The following PPP3CB variants were observed in gnomAD, a reference collection of about 807,000 sequenced individuals.
PPP3CB encodes protein phosphatase 3 catalytic subunit beta.
Under a neutral mutation model 66.4 loss-of-function variants are expected in PPP3CB, and 8 were observed. The ratio of observed to expected loss-of-function variants is 0.12; its 90% CI spans 0.07 to 0.22. The LOEUF is 0.22. Ranked by LOEUF, PPP3CB falls within the 10% of genes least tolerant of loss-of-function variation. The pLI is 1.00. For missense variants in PPP3CB, 319 were observed against 642.5 expected (o/e 0.50, Z 5.44); for synonymous variants, 208 against 221.2 (o/e 0.94, Z 0.53).
chr10:73,460,751 G>C (rs1361045453), intron 9 of PPP3CB, among the ~76,000 whole-genome samples: 1 of 152,252 alleles, frequency 6.6e-6, no homozygotes, highest in Non-Finnish European at 1.5e-5. Flanking sequence ...CCATTGACCA[G>C]AACAGCCTCA....
intron 1 of PPP3CB, among the ~76,000 whole-genome samples, chr10:73,483,299 G>A (rs1299765089): frequency 6.6e-6 from 1 of 152,200 alleles, no homozygotes; most frequent in Non-Finnish European, 1.5e-5. Context: ...AGTAGAGGTA[G>A]ATGAAAGCTA....
At chr10:73,475,161 A>G in intron 3 of PPP3CB, 131 bp from the exon 4 acceptor site, 2 of 1,243,858 alleles carry the variant, frequency 1.6e-6, no homozygotes, top group South Asian at 2.4e-5. Flanking sequence ...CTAAAATATA[A>G]GCACCACAAA....
chr10:73,478,392 A>G (rs2056824534), intron 3 of PPP3CB, 107 bp downstream of exon 3: 4 of 947,184 alleles, frequency 4.2e-6, no homozygotes, highest in South Asian at 1.8e-5. Flanking sequence ...CAGAATATGC[A>G]GAGTTATTAA....
intron 12 of PPP3CB, among the ~76,000 whole-genome samples, chr10:73,443,321 AAAGAAAGAAAAAGAAAGAG>A (rs1461652011): frequency 6.8e-6 from 1 of 148,044 alleles, no homozygotes; most frequent in African/African-American, 2.6e-5. Context: ...AGAAAGAAAG[AAAGAAAGAAAAAGAAAGAG>A]AAGAGAAGAG....
chr10:73,444,642 G>A (rs755385328), intron 12 of PPP3CB, 83 bp downstream of exon 12: 9 of 1,587,386 alleles, frequency 5.7e-6, no homozygotes, highest in Non-Finnish European at 1.7e-6. Flanking sequence ...GGAATTCCCT[G>A]CATGCATTAT....
At chr10:73,463,608 C>T (rs2056567159) in intron 9 of PPP3CB, among the ~76,000 whole-genome samples, 1 of 152,206 alleles carries the variant, frequency 6.6e-6, no homozygotes, top group African/African-American at 2.4e-5. Flanking sequence ...CTTCAAGCCC[C>T]TGTTCAAAAG....
chr10:73,450,913 C>A (rs1487190939), intron 10 of PPP3CB, among the ~76,000 whole-genome samples: 1 of 151,924 alleles, frequency 6.6e-6, no homozygotes, highest in African/African-American at 2.4e-5. Context: ...CCCTGGAATG[C>A]AAGAATGATA....
At chr10:73,486,299 T>G (rs1378997755) in intron 1 of PPP3CB, among the ~76,000 whole-genome samples, 1 of 145,118 alleles carries the variant, frequency 6.9e-6, no homozygotes, top group Non-Finnish European at 1.5e-5. Flanking sequence ...AGACTGGTTT[T>G]TTTTTTTTTT....
intron 3 of PPP3CB, among the ~76,000 whole-genome samples, chr10:73,478,284 T>A (rs1046541342): frequency 6.6e-6 from 1 of 152,080 alleles, no homozygotes; most frequent in African/African-American, 2.4e-5. Flanking sequence ...GGGAAAAAAA[T>A]GGCAATTATA....
At chr10:73,474,783 C>A in intron 4 of PPP3CB, 136 bp downstream of exon 4, 3 of 1,325,432 alleles carry the variant, frequency 2.3e-6, no homozygotes, top group South Asian at 3.4e-5. Context: ...TGCTCGACAA[C>A]TTTCCTCAAA....
At chr10:73,489,607 C>T (rs1000042074) in intron 1 of PPP3CB, among the ~76,000 whole-genome samples, 1 of 152,054 alleles carries the variant, frequency 6.6e-6, no homozygotes, top group Admixed American at 6.6e-5. Flanking sequence ...TTGTCCATGG[C>T]AAGAAGGTTA....
chr10:73,457,934 G>A (rs1253782857), intron 9 of PPP3CB, among the ~76,000 whole-genome samples: 2 of 152,110 alleles, frequency 1.3e-5, no homozygotes, highest in Non-Finnish European at 2.9e-5. Flanking sequence ...TGTACATGGA[G>A]GTAGAGTGTG....
chr10:73,488,612 G>T (rs986783760), intron 1 of PPP3CB, among the ~76,000 whole-genome samples: 2 of 150,572 alleles, frequency 1.3e-5, no homozygotes, highest in Non-Finnish European at 2.9e-5. Context: ...TGCTTGCCAG[G>T]AGTAGAAGTA....
chr10:73,493,892 G>A (rs1194405294), intron 1 of PPP3CB, among the ~76,000 whole-genome samples: 1 of 152,000 alleles, frequency 6.6e-6, no homozygotes, highest in Non-Finnish European at 1.5e-5. Context: ...CTTATGTTTG[G>A]AATCTTATTT....
chr10:73,478,454 T>G, intron 3 of PPP3CB, 45 bp downstream of exon 3: 6 of 1,556,334 alleles, frequency 3.9e-6, no homozygotes, highest in Non-Finnish European at 5.3e-6. Context: ...AAAGCATCTG[T>G]GTTAACACTT....
intron 9 of PPP3CB, among the ~76,000 whole-genome samples, chr10:73,464,591 C>A (rs1186169458): frequency 6.6e-6 from 1 of 152,050 alleles, no homozygotes; most frequent in African/African-American, 2.4e-5. Context: ...TTTTCTGAAG[C>A]AAAAGTCCAT....
At chr10:73,448,621 T>G (rs779961657) in intron 10 of PPP3CB, 1 of 532,992 alleles carries the variant, frequency 1.9e-6, no homozygotes, top group Non-Finnish European at 3.8e-6. Context: ...AGATAACTTA[T>G]GAAGTCATAT....
chr10:73,473,637 C>T (rs558786147), intron 4 of PPP3CB, among the ~76,000 whole-genome samples: 3 of 150,730 alleles, frequency 2.0e-5, no homozygotes, highest in South Asian at 2.1e-4. Flanking sequence ...GGCGACAGAG[C>T]GAGACTGTCT....
chr10:73,489,559 AC>A (rs1346811116), intron 1 of PPP3CB, among the ~76,000 whole-genome samples: 1 of 152,142 alleles, frequency 6.6e-6, no homozygotes, highest in Non-Finnish European at 1.5e-5. Flanking sequence ...GCTCTACTTT[AC>A]AGATAAGAAA....
Sources: gnomAD v4.1 joint callset for allele counts (sites outside exome capture counted in the v4.1 genomes callset) on GRCh38, gnomAD v4.1.1 for gene constraint, MANE v1.5 for transcripts, NCBI Gene and HGNC (gene_info 2026-07-23, HGNC 2026-07-21) for gene names.